PLCG2: variants seen among roughly 807,000 people sequenced by gnomAD.
The protein encoded by PLCG2 is 1-phosphatidylinositol 4,5-bisphosphate phosphodiesterase gamma-2.
In PLCG2, 69 loss-of-function variants were observed where a neutral mutation model predicts 175.6. The observed-to-expected ratio is 0.39, with a 90% CI of 0.32 to 0.48. The LOEUF is 0.48. Ranked by LOEUF, PLCG2 falls within the 20% of genes least tolerant of loss-of-function variation. The pLI, the probability that PLCG2 is intolerant of heterozygous loss-of-function variation, is 0.91. For synonymous variants in PLCG2, 827 were observed against 624.0 expected, an observed-to-expected ratio of 1.33 and a Z score of -4.85; for missense variants, 1,798 against 1,650.9, an observed-to-expected ratio of 1.09 and a Z score of -1.54.
chr16:81,828,816 A>T (rs1905146014), intron 2 of PLCG2, among the ~76,000 whole-genome samples: 1 of 152,156 alleles, frequency 6.6e-6, no homozygotes, highest in Non-Finnish European at 1.5e-5. Context: ...GGTTTCAACA[A>T]ATGTGAATTT....
At chr16:81,857,333 G>A (rs936392986) in intron 3 of PLCG2, among the ~76,000 whole-genome samples, 1 of 152,206 alleles carries the variant, frequency 6.6e-6, no homozygotes, top group African/African-American at 2.4e-5. Context: ...GAATTCCTCA[G>A]CTTTTTCATC....
At chr16:81,880,318 A>C (rs1283199872) in intron 7 of PLCG2, among the ~76,000 whole-genome samples, 1 of 152,240 alleles carries the variant, frequency 6.6e-6, no homozygotes, top group Non-Finnish European at 1.5e-5. Flanking sequence ...TTTTGAGAGC[A>C]CCTTGGCAGA....
chr16:81,819,071 A>C (rs2143327871), intron 2 of PLCG2, among the ~76,000 whole-genome samples: 1 of 152,056 alleles, frequency 6.6e-6, no homozygotes, highest in South Asian at 2.1e-4. Context: ...AGGTCCAGTG[A>C]CTTGCTCAAG....
At chr16:81,912,502 G>A (rs898272465) in intron 18 of PLCG2, 95 bp from the exon 19 acceptor site, 1 of 1,452,820 alleles carries the variant, frequency 6.9e-7, no homozygotes, top group African/African-American at 1.4e-5. Flanking sequence ...CCAGGTTCCA[G>A]GTGTCACTGG....
Position 81,895,889 on chromosome 16 carries a change from C to T in PLCG2, c.1155C>T (p.Val385=), listed in dbSNP as rs756862079. ...TRTTKIKFDD[V]VQAIKDHAFV... is the part of the protein sequence containing the mutation. ...CTACCAAGATCAAGTTTGACGACGT[C>T]GTGCAGGCCATCAAAGACCACGCCT... The change falls in exon 13 of 33, where the codon GTC becomes GTT. Residue 385 remains valine (V), a synonymous_variant. Transcript: ENST00000564138. 1.5e-5 allele frequency: 25 copies of T among 1,613,958 alleles called. No individual in the cohort carries two copies. Among genetic ancestry groups the T allele is most frequent in the Middle Eastern group, 1.6e-4 (1 of 6,084 alleles).
chr16:81,948,948 A>AACTC (rs1169187986), intron 31 of PLCG2, among the ~76,000 whole-genome samples: 1 of 152,214 alleles, frequency 6.6e-6, no homozygotes, highest in African/African-American at 2.4e-5. Flanking sequence ...TGTAACACAT[A>AACTC]ACTCATAGGA....
chr16:81,917,789 T>C (rs1909903331), intron 19 of PLCG2, among the ~76,000 whole-genome samples: 2 of 152,212 alleles, frequency 1.3e-5, no homozygotes, highest in South Asian at 2.1e-4. Flanking sequence ...TGGTGTGATC[T>C]CAGCTCACTG....
chr16:81,937,964 A>G, intron 28 of PLCG2, 61 bp downstream of exon 28: 1 of 1,558,416 alleles, frequency 6.4e-7, no homozygotes, highest in South Asian at 1.1e-5. Flanking sequence ...GGCTGGGCCG[A>G]TGCTGTCTTG....
intron 2 of PLCG2, among the ~76,000 whole-genome samples, chr16:81,809,561 C>T (rs1245939986): frequency 6.6e-6 from 1 of 152,168 alleles, no homozygotes; most frequent in Non-Finnish European, 1.5e-5. Flanking sequence ...TACATCCTTG[C>T]CTCAGAGTCT....
intron 31 of PLCG2, among the ~76,000 whole-genome samples, chr16:81,950,615 G>C (rs181973961): frequency 6.6e-6 from 1 of 152,086 alleles, no homozygotes; most frequent in Non-Finnish European, 1.5e-5. Flanking sequence ...GATTGCATTC[G>C]TTAGAAAACT....
At chr16:81,751,115 G>A (rs1597302573) in intron 1 of PLCG2, among the ~76,000 whole-genome samples, 2 of 150,760 alleles carry the variant, frequency 1.3e-5, no homozygotes, top group Middle Eastern at 3.4e-3. Context: ...TCAGTAGCTG[G>A]TATTACAGGT....
rs539931816 is a variant in PLCG2, at chr16:81,947,024, G to A, written c.3570+761G>A. Among the ~76,000 whole-genome samples, 40 of 152,126 alleles carry A rather than the reference G, an allele frequency of 2.6e-4. No individual in the cohort carries two copies. The East Asian group carries it at 4.1e-3, about 15-fold the overall frequency. On this transcript the variant is annotated intron_variant, in intron 31 of 32. Transcript: ENST00000564138. ...TTCTCTCTATACATAAAACCCCTCCGCAGACACTTCACAGAAAAGTCAAGT... is the reference window on the plus strand; with the variant it reads ...TTCTCTCTATACATAAAACCCCTCCACAGACACTTCACAGAAAAGTCAAGT...
intron 18 of PLCG2, among the ~76,000 whole-genome samples, chr16:81,912,396 C>G (rs917272699): frequency 6.6e-6 from 1 of 152,232 alleles, no homozygotes; most frequent in Non-Finnish European, 1.5e-5. Context: ...GAAACAGACC[C>G]CTGGGGTCTT....
rs547152035 is a variant in PLCG2, at chr16:81,876,016, C to CTTTT, written c.649-4876_649-4873dup. Among the ~76,000 whole-genome samples, 921 of 114,888 alleles carry CTTTT rather than the reference C, an allele frequency of 8.0e-3. 21 individuals are homozygous for CTTTT. Among genetic ancestry groups the CTTTT allele is most frequent in the Non-Finnish European group, 0.011 (619 of 57,004 alleles). The allele number at this position is 114,888 out of a possible 152,430, so 75.4% of individuals were successfully genotyped here. A position where few individuals can be genotyped will look rare whatever the true frequency, so the allele number is the denominator to read the frequency against. ...CTCTGGTTAGCTTTTCTTTTTCTTT[C>CTTTT]TTTTTTTTTTTTTTTTTTTTTGTTT... On this transcript the variant is annotated intron_variant, in intron 7 of 32. Transcript: ENST00000564138.
Position 81,961,602 on chromosome 16 carries a change from G to A in PLCG2, c.*3604G>A. ...AGTGGTATGAAAATACAAATTCAAG[G>A]AGTAAAAGGAAAAGTGGGGCATTCC... is the stretch of plus-strand genomic sequence containing the variant. On this transcript the variant is annotated 3_prime_UTR_variant, in exon 33 of 33. Transcript: ENST00000564138. The A allele has an allele frequency of 4.6e-6, 1 of 216,168 alleles. No homozygotes were observed. The highest frequency in any genetic ancestry group is 9.3e-6 in the Non-Finnish European group (1 of 107,434). The allele number at this position is 216,168 out of a possible 1,614,324, so 13.4% of individuals were successfully genotyped here. A position where few individuals can be genotyped will look rare whatever the true frequency, so the allele number is the denominator to read the frequency against.
intron 30 of PLCG2, among the ~76,000 whole-genome samples, chr16:81,943,409 A>C (rs372097162): frequency 2.0e-5 from 3 of 152,282 alleles, no homozygotes; most frequent in African/African-American, 7.2e-5. Flanking sequence ...CACTTTTATT[A>C]AACAACCCCA....
intron 7 of PLCG2, among the ~76,000 whole-genome samples, chr16:81,878,106 C>T (rs1029274434): frequency 8.6e-5 from 13 of 151,262 alleles, no homozygotes; most frequent in East Asian, 3.9e-4. Context: ...CTCAGCCTCC[C>T]GAGTAGCTGG....
intron 30 of PLCG2, among the ~76,000 whole-genome samples, chr16:81,943,476 C>A (rs2143747613): frequency 6.6e-6 from 1 of 152,274 alleles, no homozygotes; most frequent in South Asian, 2.1e-4. Flanking sequence ...CCCCATTATC[C>A]AGTCACCTCC....
chr16:81,753,169 C>T (rs1194029168), intron 1 of PLCG2, among the ~76,000 whole-genome samples: 1 of 152,152 alleles, frequency 6.6e-6, no homozygotes, highest in Non-Finnish European at 1.5e-5. Context: ...CCCTGCCTCT[C>T]CCCGCCACCT....
Sources: allele counts gnomAD v4.1 joint callset (sites outside exome capture counted in the v4.1 genomes callset), GRCh38; gene constraint gnomAD v4.1.1; transcripts MANE v1.5; gene names NCBI Gene and HGNC (gene_info 2026-07-23, HGNC 2026-07-21).